CTNNA3: variants seen among roughly 807,000 people sequenced by gnomAD.
CTNNA3 encodes catenin alpha-3.
In CTNNA3, 76 loss-of-function variants were observed where a neutral mutation model predicts 95.7. The ratio of observed to expected loss-of-function variants is 0.79; its 90% CI spans 0.66 to 0.96. The LOEUF is 0.96. CTNNA3 is among the 40% of genes least tolerant of loss of function. CTNNA3 has a pLI of 0.00. For synonymous variants in CTNNA3, 431 were observed against 374.4 expected, an observed-to-expected ratio of 1.15 and a Z score of -1.74; for missense variants, 1,191 against 1,089.8, an observed-to-expected ratio of 1.09 and a Z score of -1.31.
intron 5 of CTNNA3, among the ~76,000 whole-genome samples, chr10:67,333,246 C>G (rs1564573633): frequency 6.6e-6 from 1 of 152,110 alleles, no homozygotes; most frequent in African/African-American, 2.4e-5. Flanking sequence ...GATGACCAAA[C>G]AGAACTAAGA....
Position 65,988,766 on chromosome 10 carries a change from C to G in CTNNA3, c.2191G>C (p.Val731Leu). 6.2e-7 allele frequency: 1 copy of G among 1,613,852 alleles called. No homozygotes were observed. Among genetic ancestry groups the G allele is most frequent in the South Asian group, 1.1e-5 (1 of 91,062 alleles). ...GATATCATTTTCGCTGCATAGATCA[C>G]ATCAGTTGTATGCTTTAGTGGTCCT... is the stretch of plus-strand genomic sequence containing the variant. ...GKGPLKHTTDVIYAAKMISES... is the reference protein window; with the variant it reads ...GKGPLKHTTDLIYAAKMISES... The change falls in exon 16 of 18, where the codon GTG becomes CTG. Residue 731 changes from valine to leucine, a missense_variant. Transcript: ENST00000433211.
rs779512464 is a variant in CTNNA3, at chr10:66,065,245, G to T, written c.2159+4063C>A. 2.8e-3 allele frequency among the ~76,000 whole-genome samples: 419 copies of T among 147,572 alleles called. 5 individuals carry two copies. The highest frequency in any genetic ancestry group is 8.9e-3 in the African/African-American group (361 of 40,342). On this transcript the variant is annotated intron_variant, in intron 15 of 17. Transcript: ENST00000433211. ...GGTTTAAATGGTTTTTTTTTGTTTT[G>T]TTTTGTTTTGTTTTCCCTTCTCACT...
chr10:66,933,436 T>G (rs1847519467), intron 7 of CTNNA3, among the ~76,000 whole-genome samples: 1 of 152,254 alleles, frequency 6.6e-6, no homozygotes, highest in South Asian at 2.1e-4. Flanking sequence ...TCAGGACGTT[T>G]ACCTGTCCAC....
chr10:67,554,821 T>A (rs141904539), intron 3 of CTNNA3, among the ~76,000 whole-genome samples: 2 of 152,206 alleles, frequency 1.3e-5, no homozygotes, highest in African/African-American at 2.4e-5. Context: ...AGACATGAAG[T>A]CCTTGCGCAT....
At chr10:67,065,938 C>CA (rs10714806) in intron 7 of CTNNA3, among the ~76,000 whole-genome samples, 10,962 of 148,118 alleles carry the variant, frequency 0.074, 429 homozygotes, top group South Asian at 0.2. Context: ...GGCTGCCATT[C>CA]AAAAAAAAAA....
intron 11 of CTNNA3, among the ~76,000 whole-genome samples, chr10:66,401,347 A>C (rs562994814): frequency 6.6e-6 from 1 of 152,062 alleles, no homozygotes; most frequent in East Asian, 1.9e-4. Flanking sequence ...CCAACGTGGA[A>C]AAACCTTGTC....
At chr10:67,617,600 T>C (rs927471930) in intron 2 of CTNNA3, among the ~76,000 whole-genome samples, 1 of 152,186 alleles carries the variant, frequency 6.6e-6, no homozygotes, top group African/African-American at 2.4e-5. Flanking sequence ...GAATGATTTA[T>C]ATTACTCTGG....
intron 1 of CTNNA3, among the ~76,000 whole-genome samples, chr10:67,684,014 AAAG>A (rs1840679893): frequency 6.6e-6 from 1 of 152,326 alleles, no homozygotes; most frequent in Non-Finnish European, 1.5e-5. Flanking sequence ...GTGAAGAGCA[AAAG>A]AACAAAGCTT....
chr10:66,774,575 C>T (rs2132818756), intron 8 of CTNNA3, among the ~76,000 whole-genome samples: 1 of 122,450 alleles, frequency 8.2e-6, no homozygotes, highest in African/African-American at 3.1e-5. Flanking sequence ...ATCTCTATTC[C>T]ATTTCCAAAT....
intron 7 of CTNNA3, among the ~76,000 whole-genome samples, chr10:66,869,885 T>C (rs1235913482): frequency 2.6e-5 from 4 of 152,194 alleles, no homozygotes; most frequent in Non-Finnish European, 5.9e-5. Flanking sequence ...GTACCACACA[T>C]AGACCTCAAA....
chr10:66,704,311 A>C (rs993468242), intron 9 of CTNNA3, among the ~76,000 whole-genome samples: 13 of 152,094 alleles, frequency 8.5e-5, no homozygotes, highest in Non-Finnish European at 1.6e-4. Flanking sequence ...CAACAGTTTG[A>C]CTTTCTGTGC....
intron 7 of CTNNA3, among the ~76,000 whole-genome samples, chr10:66,819,875 C>T (rs934758508): frequency 6.6e-6 from 1 of 152,040 alleles, no homozygotes; most frequent in Non-Finnish European, 1.5e-5. Context: ...CCTTGCACAT[C>T]ACTGATGGGA....
rs758058375 is a variant in CTNNA3, at chr10:67,539,531, A to G, written c.431T>C (p.Val144Ala). 5.6e-6 allele frequency: 9 copies of G among 1,613,626 alleles called. No individual in the cohort carries two copies. The highest frequency in any genetic ancestry group is 2.2e-5 in the East Asian group (1 of 44,866). Residue 144 changes from valine to alanine, a missense_variant, in exon 4 of 18, where the codon GTC becomes GCC. Transcript: ENST00000433211. Reference protein sequence around the residue: ...RLLILADMIDVMCLLQHVSAF... With the variant: ...RLLILADMIDAMCLLQHVSAF... Reference sequence around the variant, plus strand: ...TGACACATGTTGCAAGAGGCACATGACATCAATCATGTCCGCAAGGATAAG... The same window carrying G: ...TGACACATGTTGCAAGAGGCACATGGCATCAATCATGTCCGCAAGGATAAG...
chr10:66,298,395 A>T (rs1387279438), intron 12 of CTNNA3, among the ~76,000 whole-genome samples: 1 of 152,184 alleles, frequency 6.6e-6, no homozygotes, highest in Non-Finnish European at 1.5e-5. Flanking sequence ...TAGCTGACCC[A>T]TTACTTAGCA....
chr10:65,944,854 GTCTATCTATCTATCTATCTA>G (rs56952134), intron 17 of CTNNA3, among the ~76,000 whole-genome samples: 171 of 144,950 alleles, frequency 1.2e-3, no homozygotes, highest in African/African-American at 3.2e-3. Context: ...GAAAATATCT[GTCTATCTATCTATCTATCTA>G]TCTATCTATC....
intron 3 of CTNNA3, among the ~76,000 whole-genome samples, chr10:67,595,121 C>T (rs746414990): frequency 5.9e-5 from 9 of 152,100 alleles, no homozygotes; most frequent in African/African-American, 1.2e-4. Flanking sequence ...ATGTGTTTTA[C>T]GTCTCAATTT....
chr10:67,639,636 C>T lies in CTNNA3; in HGVS notation c.99+7779G>A, dbSNP rs570851513. On this transcript the variant is annotated intron_variant, in intron 2 of 17. Coordinates refer to ENST00000433211, the MANE Select transcript of CTNNA3 (RefSeq NM_013266.4). The stretch of plus-strand genomic sequence containing the variant: ...AATACTGGCAAACCGAATCCAGCAA[C>T]ACATCAAAAACCTTATCCACCATGA... Among the ~76,000 whole-genome samples, 5 of 148,514 alleles carry T rather than the reference C, an allele frequency of 3.4e-5. No individual in the cohort carries two copies. The South Asian group carries it at 1.1e-3, about 31-fold the overall frequency.
At chr10:67,607,575 A>C (rs1225862796) in intron 2 of CTNNA3, among the ~76,000 whole-genome samples, 1 of 152,120 alleles carries the variant, frequency 6.6e-6, no homozygotes, top group East Asian at 1.9e-4. Context: ...ACTTGATGTA[A>C]CTTTTATTGA....
chr10:67,532,202 T>C (rs571038005), intron 4 of CTNNA3, among the ~76,000 whole-genome samples: 2 of 152,222 alleles, frequency 1.3e-5, no homozygotes, highest in Non-Finnish European at 2.9e-5. Flanking sequence ...TTACATATTT[T>C]GCCTAAGATC....
Sources: allele counts gnomAD v4.1 joint callset (sites outside exome capture counted in the v4.1 genomes callset), GRCh38; gene constraint gnomAD v4.1.1; transcripts MANE v1.5; gene names NCBI Gene and HGNC (gene_info 2026-07-23, HGNC 2026-07-21).